UBR1: variants seen among roughly 807,000 people sequenced by gnomAD.
UBR1 encodes the protein E3 ubiquitin-protein ligase UBR1.
In UBR1, 102 loss-of-function variants were observed where a neutral mutation model predicts 242.1. That is an observed-to-expected ratio of 0.42 (90% confidence interval 0.36 to 0.50). The LOEUF (loss-of-function observed/expected upper bound fraction) is 0.50, where lower values mean the gene tolerates loss of function less well. Among genes scored for constraint, UBR1 ranks in the 20% least tolerant of loss-of-function variants. UBR1 has a pLI of 0.01. For synonymous variants in UBR1, 675 were observed against 684.8 expected (o/e 0.99, Z 0.22); for missense variants, 1,772 against 2,101.8 (o/e 0.84, Z 3.07).
intron 1 of UBR1, among the ~76,000 whole-genome samples, chr15:43,097,528 C>T (rs953033718): frequency 2.0e-5 from 3 of 152,222 alleles, no homozygotes; most frequent in Non-Finnish European, 2.9e-5. Context: ...AAGGCTGTTT[C>T]GTTTACATGG....
chr15:42,969,342 C>G (rs544109816), intron 40 of UBR1, among the ~76,000 whole-genome samples: 4 of 152,116 alleles, frequency 2.6e-5, no homozygotes, highest in Admixed American at 2.6e-4. Context: ...TCATATCCTT[C>G]GCCCACTTTC....
chr15:42,996,130 C>T (rs554156922), intron 33 of UBR1, among the ~76,000 whole-genome samples: 2 of 151,964 alleles, frequency 1.3e-5, no homozygotes, highest in East Asian at 3.8e-4. Context: ...TTTTCCATGA[C>T]ATCTTCCCTT....
At chr15:43,028,677 G>A (rs1289271452) in intron 21 of UBR1, among the ~76,000 whole-genome samples, 2 of 151,256 alleles carry the variant, frequency 1.3e-5, no homozygotes, top group African/African-American at 4.9e-5. Context: ...CACAGGAGGC[G>A]GAGGTTACCG....
rs754632475 is a variant in UBR1, at chr15:43,082,686, G to A, written c.369C>T (p.Leu123=). 35 of 1,613,708 alleles carry A rather than the reference G, an allele frequency of 2.2e-5. No individual in the cohort carries two copies. Among genetic ancestry groups the A allele is most frequent in the Non-Finnish European group, 2.7e-5 (32 of 1,179,868 alleles). Residue 123 remains leucine (L), a synonymous_variant, in exon 3 of 47, where the codon CTC becomes CTT. Coordinates refer to ENST00000290650, the MANE Select transcript of UBR1 (RefSeq NM_174916.3). ...RDCAIDPTCV[L]CMDCFQDSVH... ...CACTGTCCTGGAAGCAGTCCATACA[G>A]AGTACACATGTTGGATCAATTGCAC...
chr15:43,063,229 T>C (rs16957379), intron 6 of UBR1, among the ~76,000 whole-genome samples: 9,024 of 152,190 alleles, frequency 0.059, 349 homozygotes, highest in African/African-American at 0.12. Flanking sequence ...ACTTTGACTA[T>C]AGAGGAGAGC....
At chr15:43,006,188 A>C (rs1235979341) in intron 30 of UBR1, among the ~76,000 whole-genome samples, 1 of 152,046 alleles carries the variant, frequency 6.6e-6, no homozygotes, top group Non-Finnish European at 1.5e-5. Context: ...GCCATGGGTA[A>C]GTTACTTGAC....
intron 46 of UBR1, among the ~76,000 whole-genome samples, chr15:42,948,267 T>C (rs1240481640): frequency 2.0e-5 from 3 of 152,184 alleles, no homozygotes. Flanking sequence ...TTACACCTTA[T>C]ACAAAAATTA....
At chr15:43,084,449 C>T (rs1426931166) in intron 2 of UBR1, among the ~76,000 whole-genome samples, 1 of 152,030 alleles carries the variant, frequency 6.6e-6, no homozygotes, top group Non-Finnish European at 1.5e-5. Context: ...ACACAAAATG[C>T]AAAGACTATT....
At chr15:43,057,054 G>C (rs1275581041) in intron 10 of UBR1, among the ~76,000 whole-genome samples, 1 of 152,116 alleles carries the variant, frequency 6.6e-6, no homozygotes, top group East Asian at 1.9e-4. Context: ...CTTTAAGTTA[G>C]ATACTTTACC....
In UBR1 at chr15:43,025,230, T is replaced by C; in HGVS notation, c.2584+151A>G. On this transcript the variant is annotated intron_variant, in intron 24 of 46. Transcript: ENST00000290650. ...TCAATCACTACTGATATATACCATATCTTAATATGTGAATAAGAAGCAAAA... is the reference window on the plus strand; with the variant it reads ...TCAATCACTACTGATATATACCATACCTTAATATGTGAATAAGAAGCAAAA... 4.7e-6 allele frequency: 4 copies of C among 851,176 alleles called. No individual in the cohort carries two copies. The East Asian group carries it at 1.1e-4, about 23-fold the overall frequency. The allele number at this position is 851,176 out of a possible 1,614,324, so 52.7% of individuals were successfully genotyped here.
At chr15:42,978,742 T>C (rs1268276845) in intron 37 of UBR1, among the ~76,000 whole-genome samples, 4 of 151,438 alleles carry the variant, frequency 2.6e-5, no homozygotes, top group African/African-American at 9.7e-5. Context: ...CTTTTTTTTT[T>C]TTTTTAGACA....
At chr15:43,020,423 T>C (rs1235602670) in intron 27 of UBR1, among the ~76,000 whole-genome samples, 1 of 152,228 alleles carries the variant, frequency 6.6e-6, no homozygotes, top group African/African-American at 2.4e-5. Context: ...ACCTTCGACA[T>C]GCACCTTAAT....
At chr15:43,098,207 CTTTT>C (rs761737037) in intron 1 of UBR1, among the ~76,000 whole-genome samples, 3 of 152,104 alleles carry the variant, frequency 2.0e-5, no homozygotes, top group Non-Finnish European at 2.9e-5. Context: ...ACAAACACAG[CTTTT>C]TTTATTATGT....
chr15:43,004,535 C>T (rs7178410), intron 30 of UBR1, among the ~76,000 whole-genome samples: 25 of 152,344 alleles, frequency 1.6e-4, no homozygotes, highest in Non-Finnish European at 2.9e-4. Flanking sequence ...CACGCCGCCA[C>T]GCCTGACTGG....
At chr15:43,007,005 T>C in intron 30 of UBR1, 74 bp downstream of exon 30, 7 of 1,449,264 alleles carry the variant, frequency 4.8e-6, no homozygotes, top group Middle Eastern at 1.9e-4. Flanking sequence ...CAAATGTTTT[T>C]CAAATAGTAT....
chr15:43,086,675 A>C (rs2034040362), intron 1 of UBR1, among the ~76,000 whole-genome samples: 1 of 152,250 alleles, frequency 6.6e-6, no homozygotes, highest in Non-Finnish European at 1.5e-5. Flanking sequence ...AAACTAGATA[A>C]AATGGACCTC....
At chr15:43,078,434 A>T (rs1383369218) in intron 3 of UBR1, among the ~76,000 whole-genome samples, 1 of 152,220 alleles carries the variant, frequency 6.6e-6, no homozygotes, top group Non-Finnish European at 1.5e-5. Context: ...AAATGGAAGA[A>T]CTGACAGAAG....
At chr15:43,092,623 G>A (rs533215487) in intron 1 of UBR1, among the ~76,000 whole-genome samples, 2 of 151,968 alleles carry the variant, frequency 1.3e-5, no homozygotes, top group South Asian at 2.1e-4. Flanking sequence ...GCACGATCTC[G>A]GCTCACTGCA....
At chr15:43,015,312 G>A (rs1445277295) in intron 29 of UBR1, among the ~76,000 whole-genome samples, 1 of 151,964 alleles carries the variant, frequency 6.6e-6, no homozygotes, top group Non-Finnish European at 1.5e-5. Context: ...AAATTCTTCT[G>A]CCTTGGGATC....
Sources: gnomAD v4.1 joint callset for allele counts (sites outside exome capture counted in the v4.1 genomes callset) on GRCh38, gnomAD v4.1.1 for gene constraint, MANE v1.5 for transcripts, NCBI Gene and HGNC (gene_info 2026-07-23, HGNC 2026-07-21) for gene names.